The following TRIO variants were observed in gnomAD, a reference collection of about 807,000 sequenced individuals.
The protein encoded by TRIO is trio Rho guanine nucleotide exchange factor.
TRIO carries 58 observed loss-of-function variants against 351.9 expected under a neutral mutation model. The ratio of observed to expected loss-of-function variants is 0.16; its 90% CI spans 0.13 to 0.21. The LOEUF (loss-of-function observed/expected upper bound fraction) is 0.21. Among genes scored for constraint, TRIO ranks in the 10% least tolerant of loss-of-function variants. The pLI is 1.00. For synonymous variants in TRIO, 1,758 were observed against 1,595.7 expected, an observed-to-expected ratio of 1.10 and a Z score of -2.42; for missense variants, 3,201 against 4,027.8, an observed-to-expected ratio of 0.79 and a Z score of 5.56.
chr5:14,394,637 G>T (rs1037310648), intron 28 of TRIO, among the ~76,000 whole-genome samples: 1 of 152,126 alleles, frequency 6.6e-6, no homozygotes, highest in Non-Finnish European at 1.5e-5. Flanking sequence ...GGCTTCCTCT[G>T]TCTTGTTGCT....
At chr5:14,485,285 C>T in intron 47 of TRIO, 39 bp downstream of exon 47, 1 of 1,527,532 alleles carries the variant, frequency 6.5e-7, no homozygotes, top group Non-Finnish European at 8.9e-7. Context: ...GCTTTCTTTC[C>T]TCGTGTACTC....
intron 1 of TRIO, among the ~76,000 whole-genome samples, chr5:14,187,017 G>A (rs528753021): frequency 5.3e-5 from 8 of 152,272 alleles, no homozygotes; most frequent in African/African-American, 1.2e-4. Context: ...TAGATAGGGC[G>A]TGAGGGCTTG....
chr5:14,226,424 A>G (rs354312), intron 1 of TRIO, among the ~76,000 whole-genome samples: 131,311 of 152,182 alleles, frequency 0.86, 56,801 homozygotes, highest in East Asian at 0.99. Context: ...TCTGGTTGTG[A>G]ACAAGACTTA....
chr5:14,427,396 A>C (rs1351147019), intron 34 of TRIO, among the ~76,000 whole-genome samples: 1 of 152,162 alleles, frequency 6.6e-6, no homozygotes. Context: ...AGAAGACTCC[A>C]GGTTGCCAGG....
chr5:14,218,259 G>A (rs1792351930), intron 1 of TRIO, among the ~76,000 whole-genome samples: 1 of 152,254 alleles, frequency 6.6e-6, no homozygotes, highest in African/African-American at 2.4e-5. Context: ...TGAAGTCGTC[G>A]GTTTAAAGAG....
intron 37 of TRIO, among the ~76,000 whole-genome samples, chr5:14,467,573 T>C (rs560565500): frequency 1.3e-5 from 2 of 152,198 alleles, no homozygotes; most frequent in African/African-American, 4.8e-5. Context: ...CCTAGCACTT[T>C]AGGAGGCCAA....
chr5:14,329,039 T>G (rs1163279348), intron 9 of TRIO, among the ~76,000 whole-genome samples: 1 of 152,194 alleles, frequency 6.6e-6, no homozygotes, highest in Non-Finnish European at 1.5e-5. Flanking sequence ...GGTCAGTGGT[T>G]TGGAGCAATG....
intron 1 of TRIO, among the ~76,000 whole-genome samples, chr5:14,156,927 CA>C (rs1342744300): frequency 6.6e-6 from 1 of 152,076 alleles, no homozygotes; most frequent in Non-Finnish European, 1.5e-5. Flanking sequence ...CAGGAGTCGC[CA>C]GAGAAGAAAG....
rs777497127 is a variant in TRIO, at chr5:14,394,143, C to G, written c.4311+13C>G. On this transcript the variant is annotated intron_variant, in intron 28 of 56. Transcript: ENST00000344204. ...GCTCCTTTTAAAAGTATGTATAATG[C>G]GTCTTCAGCCTGTGAAATTTTATGA... 2.7e-6 allele frequency: 4 copies of G among 1,503,726 alleles called. No homozygotes were observed. Among genetic ancestry groups the G allele is most frequent in the Non-Finnish European group, 3.6e-6 (4 of 1,096,576 alleles). The allele number at this position is 1,503,726 out of a possible 1,614,324, so 93.1% of individuals were successfully genotyped here.
chr5:14,205,486 G>A (rs1791399184), intron 1 of TRIO, among the ~76,000 whole-genome samples: 1 of 152,154 alleles, frequency 6.6e-6, no homozygotes, highest in Non-Finnish European at 1.5e-5. Context: ...TCTTGTATCT[G>A]AAGTTCCTTG....
chr5:14,393,371 A>G (rs1198282613), intron 27 of TRIO, among the ~76,000 whole-genome samples: 2 of 152,238 alleles, frequency 1.3e-5, no homozygotes, highest in African/African-American at 2.4e-5. Flanking sequence ...CTGCACATGT[A>G]TCCCAGAACT....
Position 14,388,606 on chromosome 5 carries a change from C to T in TRIO, c.3882-7C>T. 4 of 1,612,384 alleles carry T rather than the reference C, an allele frequency of 2.5e-6. No homozygotes were observed. The highest frequency in any genetic ancestry group is 3.4e-6 in the Non-Finnish European group (4 of 1,179,448). ...ACTGTACTCCTCACTGTCTTCCTCT[C>T]TTTAAGGTTCATAATGGCTGAGCTC... On this transcript the variant is annotated splice_region_variant and splice_polypyrimidine_tract_variant and intron_variant, in intron 23 of 56. Coordinates refer to ENST00000344204, the MANE Select transcript of TRIO (RefSeq NM_007118.4).
chr5:14,218,343 A>G (rs1581375972), intron 1 of TRIO, among the ~76,000 whole-genome samples: 1 of 152,254 alleles, frequency 6.6e-6, no homozygotes, highest in Non-Finnish European at 1.5e-5. Flanking sequence ...CTATGGAATC[A>G]TAATAACCCA....
At chr5:14,328,286 C>T (rs560376335) in intron 9 of TRIO, among the ~76,000 whole-genome samples, 47 of 152,140 alleles carry the variant, frequency 3.1e-4, no homozygotes, top group Non-Finnish European at 5.4e-4. Context: ...AAACAATGAG[C>T]TCAATACGCT....
chr5:14,320,433 T>C (rs1248877760), intron 9 of TRIO, among the ~76,000 whole-genome samples: 3 of 152,108 alleles, frequency 2.0e-5, no homozygotes, highest in African/African-American at 7.2e-5. Flanking sequence ...ATGTGTTTGC[T>C]TTCCTGAAGC....
At chr5:14,257,573 A>C (rs920612895) in intron 1 of TRIO, among the ~76,000 whole-genome samples, 1 of 151,888 alleles carries the variant, frequency 6.6e-6, no homozygotes, top group African/African-American at 2.4e-5. Context: ...TGGGGTGGGG[A>C]AGGGGGACAG....
At chr5:14,392,609 C>A (rs564259395) in intron 27 of TRIO, among the ~76,000 whole-genome samples, 10 of 152,210 alleles carry the variant, frequency 6.6e-5, no homozygotes, top group Admixed American at 5.2e-4. Context: ...AATCATTCTA[C>A]TATAAAGACA....
rs551660439 is a variant in TRIO at position 14,444,677 on chromosome 5, A to G, written c.5204-16342A>G. On this transcript the variant is annotated intron_variant, in intron 34 of 56. Transcript: ENST00000344204. Reference sequence around the variant, plus strand: ...TTGAAGGTTCTATTTCATTTTAAGCAAACTGCATTTTAAAAATAATTTTGT... The same window carrying G: ...TTGAAGGTTCTATTTCATTTTAAGCGAACTGCATTTTAAAAATAATTTTGT... Among the ~76,000 whole-genome samples, 276 of 152,398 alleles carry G rather than the reference A, an allele frequency of 1.8e-3. 1 individual carries two copies. The highest frequency in any genetic ancestry group is 6.4e-3 in the African/African-American group (266 of 41,598).
intron 31 of TRIO, among the ~76,000 whole-genome samples, chr5:14,402,942 G>A (rs866957085): frequency 6.6e-6 from 1 of 152,100 alleles, no homozygotes; most frequent in African/African-American, 2.4e-5. Context: ...TGTGGTGAGA[G>A]CGTAGATGGA....
Sources: gnomAD v4.1 joint callset for allele counts (sites outside exome capture counted in the v4.1 genomes callset) on GRCh38, gnomAD v4.1.1 for gene constraint, MANE v1.5 for transcripts, NCBI Gene and HGNC (gene_info 2026-07-23, HGNC 2026-07-21) for gene names.